The following SPINT2 variants were observed in gnomAD, a reference collection of about 807,000 sequenced individuals.
SPINT2 encodes the protein kunitz-type protease inhibitor 2.
In SPINT2, 18 loss-of-function variants were observed where a neutral mutation model predicts 30.1. The ratio of observed to expected loss-of-function variants is 0.60; its 90% CI spans 0.41 to 0.89. The LOEUF (loss-of-function observed/expected upper bound fraction) is 0.89, where lower values mean the gene tolerates loss of function less well. SPINT2 is among the 40% of genes least tolerant of loss of function. The pLI, the probability that SPINT2 is intolerant of heterozygous loss-of-function variation, is 0.00. For missense variants in SPINT2, 276 were observed against 334.3 expected, an observed-to-expected ratio of 0.83 and a Z score of 1.36; for synonymous variants, 139 against 137.9, an observed-to-expected ratio of 1.01 and a Z score of -0.05.
In SPINT2 at chr19:38,264,816, G is replaced by C. The variant is rs893130452; in HGVS notation, c.-77G>C. 2.1e-6 allele frequency: 3 copies of C among 1,454,582 alleles called. No individual in the cohort carries two copies. The highest frequency in any genetic ancestry group is 2.8e-5 in the African/African-American group (2 of 70,726). 90.1% of individuals were successfully genotyped at this position (1,454,582 alleles called of 1,614,324 possible). A position where few individuals can be genotyped will look rare whatever the true frequency, so the allele number is the denominator to read the frequency against. On this transcript the variant is annotated 5_prime_UTR_variant, in exon 1 of 7. Transcript: ENST00000301244. Reference sequence around the variant, plus strand: ...GCGAGGCGCTCCATTGCGCGTGCGCGTTGAGGGGCTTCCCGCACCTGATCG... The same window carrying C: ...GCGAGGCGCTCCATTGCGCGTGCGCCTTGAGGGGCTTCCCGCACCTGATCG...
chr19:38,289,930 C>T lies in SPINT2; in HGVS notation c.392-189C>T, dbSNP rs145801154. 2.6e-5 allele frequency: 17 copies of T among 666,396 alleles called. 1 individual carries two copies. Among genetic ancestry groups the T allele is most frequent in the Middle Eastern group, 4.0e-4 (1 of 2,476 alleles). The allele number at this position is 666,396 out of a possible 1,614,324, so 41.3% of individuals were successfully genotyped here. On this transcript the variant is annotated intron_variant, in intron 4 of 6. Transcript: ENST00000301244. ...AGAGCAGCCTTCAAAGCTCCGAAGC[C>T]GTCACCTGGACCCAAGGAGCAGCGC...
intron 1 of SPINT2, among the ~76,000 whole-genome samples, chr19:38,274,003 G>A (rs986638691): frequency 6.6e-6 from 1 of 152,148 alleles, no homozygotes; most frequent in South Asian, 2.1e-4. Flanking sequence ...GGCCGAGGCG[G>A]GTGGATCATT....
chr19:38,264,747 G>A lies in SPINT2; in HGVS notation c.-146G>A, dbSNP rs1256217571. 3.7e-6 allele frequency: 3 copies of A among 811,022 alleles called. No individual in the cohort carries two copies. The highest frequency in any genetic ancestry group is 5.6e-5 in the East Asian group (2 of 35,714). The allele number at this position is 811,022 out of a possible 1,614,324, so 50.2% of individuals were successfully genotyped here. ...AGGTCCGGAAAGGCGACTTCCGGGG[G>A]CTTTGGCACCTGGCGGACCCTCCCG... On this transcript the variant is annotated 5_prime_UTR_variant, in exon 1 of 7. Transcript: ENST00000301244.
Position 38,290,947 on chromosome 19 carries a change from AG to A in SPINT2, c.592+375del. ...GTGACAGGACGGAGGACCACGGGCC[AG>A]GGTGTTTCCCAACACAGTCTGGTCT... On this transcript the variant is annotated intron_variant, in intron 6 of 6. Coordinates refer to ENST00000301244, the MANE Select transcript of SPINT2 (RefSeq NM_021102.4). The surrounding 1 kb of genome is among the most constrained non-coding windows in gnomAD (Gnocchi z 4.3). 2.6e-6 allele frequency: 1 copy of A among 379,902 alleles called. No homozygotes were observed. The highest frequency in any genetic ancestry group is 5.1e-6 in the Non-Finnish European group (1 of 197,980). The allele number at this position is 379,902 out of a possible 1,614,324, so 23.5% of individuals were successfully genotyped here.
intron 2 of SPINT2, among the ~76,000 whole-genome samples, chr19:38,284,277 A>G (rs2146275431): frequency 6.6e-6 from 1 of 152,160 alleles, no homozygotes; most frequent in East Asian, 1.9e-4. Flanking sequence ...AATTTTTTAT[A>G]GAGGCGGGGG....
At chr19:38,291,584 G>A in intron 6 of SPINT2, 1 of 507,492 alleles carries the variant, frequency 2.0e-6, no homozygotes, top group East Asian at 3.3e-5. Flanking sequence ...GAACACAGAT[G>A]ACTACTCTGC....
intron 1 of SPINT2, among the ~76,000 whole-genome samples, chr19:38,282,197 G>C (rs907180586): frequency 6.6e-6 from 1 of 152,112 alleles, no homozygotes; most frequent in African/African-American, 2.4e-5. Context: ...TGACATATTT[G>C]GGGAGACACA....
At chr19:38,276,458 A>T (rs773563859) in intron 1 of SPINT2, among the ~76,000 whole-genome samples, 1 of 152,070 alleles carries the variant, frequency 6.6e-6, no homozygotes, top group South Asian at 2.1e-4. Context: ...TGTGGCTAAC[A>T]TGGTGAAACC....
intron 1 of SPINT2, among the ~76,000 whole-genome samples, chr19:38,279,651 C>T (rs1482355257): frequency 1.3e-5 from 2 of 151,986 alleles, no homozygotes; most frequent in Non-Finnish European, 2.9e-5. Context: ...GAGACTTTTT[C>T]TTTTTCTTTT....
chr19:38,269,436 T>C (rs2146265581), intron 1 of SPINT2, among the ~76,000 whole-genome samples: 1 of 139,102 alleles, frequency 7.2e-6, no homozygotes, highest in East Asian at 2.1e-4. Flanking sequence ...GACAGAGTCT[T>C]GCTGTGTCAC....
Position 38,290,953 on chromosome 19 carries a change from T to C in SPINT2, c.592+378T>C. 1 of 373,764 alleles carries C rather than the reference T, an allele frequency of 2.7e-6. No homozygotes were observed. The highest frequency in any genetic ancestry group is 2.1e-5 in the African/African-American group (1 of 47,970). 23.2% of individuals were successfully genotyped at this position (373,764 alleles called of 1,614,324 possible). ...GGACGGAGGACCACGGGCCAGGGTG[T>C]TTCCCAACACAGTCTGGTCTGAGCG... On this transcript the variant is annotated intron_variant, in intron 6 of 6. Coordinates refer to ENST00000301244, the MANE Select transcript of SPINT2 (RefSeq NM_021102.4). The surrounding 1 kb of genome is among the most constrained non-coding windows in gnomAD (Gnocchi z 4.3).
At chr19:38,269,515 C>T (rs1351271568) in intron 1 of SPINT2, among the ~76,000 whole-genome samples, 1 of 150,692 alleles carries the variant, frequency 6.6e-6, no homozygotes, top group African/African-American at 2.4e-5. Context: ...AAGTGATTCT[C>T]CTGCCTCATC....
At chr19:38,269,461 A>G (rs568746183) in intron 1 of SPINT2, among the ~76,000 whole-genome samples, 1 of 133,986 alleles carries the variant, frequency 7.5e-6, no homozygotes, top group Non-Finnish European at 1.5e-5. Context: ...ACTGGAGTGC[A>G]GTGGCGCCAT....
intron 1 of SPINT2, among the ~76,000 whole-genome samples, chr19:38,269,987 A>G (rs1356249970): frequency 6.6e-6 from 1 of 151,692 alleles, no homozygotes; most frequent in Non-Finnish European, 1.5e-5. Context: ...CAGCCTCTCA[A>G]AGTGCTGGGA....
intron 6 of SPINT2, chr19:38,291,614 C>T: frequency 1.8e-6 from 1 of 564,000 alleles, no homozygotes; most frequent in Non-Finnish European, 3.1e-6. Flanking sequence ...GGCCACTCTG[C>T]TGGCACGCAC....
chr19:38,269,139 C>G (rs1968417690), intron 1 of SPINT2, among the ~76,000 whole-genome samples: 2 of 151,956 alleles, frequency 1.3e-5, no homozygotes, highest in African/African-American at 4.8e-5. Context: ...CTCTCATCGC[C>G]CAGTCTGGAG....
At chr19:38,274,774 T>C (rs1394359354) in intron 1 of SPINT2, among the ~76,000 whole-genome samples, 3 of 150,732 alleles carry the variant, frequency 2.0e-5, no homozygotes, top group African/African-American at 7.3e-5. Flanking sequence ...TAGATCGCAC[T>C]ATTGCATTCC....
chr19:38,269,001 T>C (rs1209296129), intron 1 of SPINT2, among the ~76,000 whole-genome samples: 1 of 152,204 alleles, frequency 6.6e-6, no homozygotes, highest in African/African-American at 2.4e-5. Context: ...GGTGTAGTTC[T>C]TGCTGCCAAT....
chr19:38,264,856 C>T lies in SPINT2; in HGVS notation c.-37C>T. The stretch of plus-strand genomic sequence containing the variant: ...GCACCTGATCGCGAGACCCCAACGG[C>T]TGGTGGCGTCGCCTGCGCGTCTCGG... On this transcript the variant is annotated 5_prime_UTR_variant, in exon 1 of 7. Transcript: ENST00000301244. 6.5e-7 allele frequency: 1 copy of T among 1,527,330 alleles called. No homozygotes were observed. The highest frequency in any genetic ancestry group is 8.8e-7 in the Non-Finnish European group (1 of 1,141,032). The allele number at this position is 1,527,330 out of a possible 1,614,324, so 94.6% of individuals were successfully genotyped here.
Sources: allele counts gnomAD v4.1 joint callset (sites outside exome capture counted in the v4.1 genomes callset), GRCh38; gene constraint gnomAD v4.1.1; non-coding constraint Gnocchi (gnomAD v3.1); transcripts MANE v1.5; gene names NCBI Gene and HGNC (gene_info 2026-07-23, HGNC 2026-07-21).